SLC25A21: variants seen among roughly 807,000 people sequenced by gnomAD.
SLC25A21 encodes solute carrier family 25 member 21.
Under a neutral mutation model 43.8 loss-of-function variants are expected in SLC25A21, and 47 were observed. The ratio of observed to expected loss-of-function variants is 1.07; its 90% CI spans 0.85 to 1.37. The LOEUF is 1.37. SLC25A21 is among the 40% of genes most tolerant of loss of function. The probability of loss-of-function intolerance (pLI) is 0.00; values close to 1 mark genes in which losing one functional copy is unlikely to be tolerated. For missense variants in SLC25A21, 352 were observed against 350.2 expected (o/e 1.00, Z -0.04); for synonymous variants, 131 against 121.3 (o/e 1.08, Z -0.52).
intron 3 of SLC25A21, among the ~76,000 whole-genome samples, chr14:36,742,516 T>C (rs2139242996): frequency 6.6e-6 from 1 of 152,272 alleles, no homozygotes; most frequent in Admixed American, 6.5e-5. Flanking sequence ...GGCTCTGTGA[T>C]TTGAATTATG....
chr14:37,116,076 G>A (rs1435336362), intron 1 of SLC25A21, among the ~76,000 whole-genome samples: 1 of 152,024 alleles, frequency 6.6e-6, no homozygotes. Context: ...AACTCAAAGA[G>A]TTTTGAAGTA....
intron 3 of SLC25A21, among the ~76,000 whole-genome samples, chr14:36,783,449 G>A (rs1166395063): frequency 6.6e-6 from 1 of 152,006 alleles, no homozygotes; most frequent in East Asian, 1.9e-4. Flanking sequence ...GTCTTCCTTG[G>A]TCTCAGCCTC....
intron 7 of SLC25A21, among the ~76,000 whole-genome samples, chr14:36,687,863 A>G (rs1422947943): frequency 1.3e-5 from 2 of 152,176 alleles, no homozygotes; most frequent in African/African-American, 4.8e-5. Flanking sequence ...CTTTGCAGTA[A>G]TATCAGGGTT....
chr14:37,025,871 A>G (rs1050734552), intron 1 of SLC25A21, among the ~76,000 whole-genome samples: 1 of 152,130 alleles, frequency 6.6e-6, no homozygotes. Flanking sequence ...AGAAAAGATA[A>G]AGTGATCAGT....
chr14:36,811,418 A>C (rs1401634566), intron 3 of SLC25A21, among the ~76,000 whole-genome samples: 1 of 152,122 alleles, frequency 6.6e-6, no homozygotes, highest in Admixed American at 6.5e-5. Flanking sequence ...TGGGAGGCCG[A>C]GGAGGGTGGA....
chr14:37,048,241 A>G (rs903278418), intron 1 of SLC25A21, among the ~76,000 whole-genome samples: 2 of 152,194 alleles, frequency 1.3e-5, no homozygotes, highest in Admixed American at 6.5e-5. Context: ...TCAGGAGAAC[A>G]GTAACACATT....
At chr14:37,165,376 C>CA (rs551070807) in intron 1 of SLC25A21, among the ~76,000 whole-genome samples, 1,438 of 132,862 alleles carry the variant, frequency 0.011, 12 homozygotes, top group African/African-American at 0.032. Context: ...GACTCCGTCT[C>CA]AAAAAAAAAA....
At chr14:36,810,767 T>C (rs848085) in intron 3 of SLC25A21, among the ~76,000 whole-genome samples, 62,879 of 151,362 alleles carry the variant, frequency 0.42, 13,360 homozygotes, top group Admixed American at 0.49. Context: ...ACAGAGCTAA[T>C]TGGGACATGA....
intron 7 of SLC25A21, among the ~76,000 whole-genome samples, chr14:36,702,675 T>TTTCCTCTATTAG (rs1049281449): frequency 1.3e-5 from 2 of 152,126 alleles, no homozygotes; most frequent in Non-Finnish European, 2.9e-5. Context: ...TTATTGTCTA[T>TTTCCTCTATTAG]TTCCTCTATT....
At chr14:36,861,694 T>G (rs1362029388) in intron 2 of SLC25A21, among the ~76,000 whole-genome samples, 3 of 152,230 alleles carry the variant, frequency 2.0e-5, no homozygotes, top group Admixed American at 6.5e-5. Context: ...CTAGAAAACA[T>G]TTTTAAAACT....
chr14:36,678,678 G>A lies in SLC25A21; in HGVS notation c.*1980C>T. On this transcript the variant is annotated 3_prime_UTR_variant, in exon 10 of 10. Coordinates refer to ENST00000331299, the MANE Select transcript of SLC25A21 (RefSeq NM_030631.4). ...TTTAAAAAATATTACTTGCTTGTGT[G>A]GAAATGCAAATAATGTTATTTTCTT... 1 of 1,253,042 alleles carries A rather than the reference G, an allele frequency of 8.0e-7. No homozygotes were observed. The highest frequency in any genetic ancestry group is 3.6e-5 in the South Asian group (1 of 28,086). 77.6% of individuals were successfully genotyped at this position (1,253,042 alleles called of 1,614,324 possible).
chr14:36,934,165 G>A (rs1047170783), intron 1 of SLC25A21, among the ~76,000 whole-genome samples: 12 of 152,022 alleles, frequency 7.9e-5, no homozygotes, highest in African/African-American at 2.9e-4. Context: ...AGTTTATTTG[G>A]ATAATAAGTA....
chr14:36,714,609 C>T (rs964584314), intron 6 of SLC25A21, among the ~76,000 whole-genome samples: 2 of 152,216 alleles, frequency 1.3e-5, no homozygotes, highest in Non-Finnish European at 2.9e-5. Flanking sequence ...GCTTCCCCCT[C>T]TATATGGCTT....
chr14:36,938,362 A>C (rs1309012330), intron 1 of SLC25A21, among the ~76,000 whole-genome samples: 2 of 152,082 alleles, frequency 1.3e-5, no homozygotes, highest in Non-Finnish European at 1.5e-5. Flanking sequence ...GGTGGAGTTC[A>C]CTCATTGCAG....
intron 1 of SLC25A21, among the ~76,000 whole-genome samples, chr14:37,116,819 A>T (rs1202020168): frequency 6.6e-6 from 1 of 152,160 alleles, no homozygotes; most frequent in Non-Finnish European, 1.5e-5. Flanking sequence ...ACAACTACAC[A>T]TCTTTTTGTA....
chr14:36,821,209 T>C (rs1888617574), intron 2 of SLC25A21, among the ~76,000 whole-genome samples: 1 of 152,184 alleles, frequency 6.6e-6, no homozygotes, highest in Non-Finnish European at 1.5e-5. Flanking sequence ...GTATGTTTCT[T>C]TCCCATTTTC....
At chr14:37,074,661 G>A (rs6571779) in intron 1 of SLC25A21, among the ~76,000 whole-genome samples, 73,319 of 151,592 alleles carry the variant, frequency 0.48, 20,823 homozygotes, top group African/African-American at 0.8. Flanking sequence ...GTGAAACCCC[G>A]TCTCTACTAA....
chr14:36,703,863 G>A (rs912385406), intron 7 of SLC25A21, among the ~76,000 whole-genome samples: 1 of 152,156 alleles, frequency 6.6e-6, no homozygotes, highest in Non-Finnish European at 1.5e-5. Flanking sequence ...TTATTCCCAT[G>A]GATATTCGAA....
At chr14:37,145,146 A>G (rs904535419) in intron 1 of SLC25A21, among the ~76,000 whole-genome samples, 1 of 152,172 alleles carries the variant, frequency 6.6e-6, no homozygotes, top group Non-Finnish European at 1.5e-5. Flanking sequence ...TGGGTAAGGC[A>G]CAGAGATGTT....
Sources: gnomAD v4.1 joint callset for allele counts (sites outside exome capture counted in the v4.1 genomes callset) on GRCh38, gnomAD v4.1.1 for gene constraint, MANE v1.5 for transcripts, NCBI Gene and HGNC (gene_info 2026-07-23, HGNC 2026-07-21) for gene names.